The following HS3ST3A1 variants were observed in gnomAD, a reference collection of about 807,000 sequenced individuals.
HS3ST3A1 encodes heparan sulfate glucosamine 3-O-sulfotransferase 3A1.
In HS3ST3A1, 19 loss-of-function variants were observed where a neutral mutation model predicts 25.7. That is an observed-to-expected ratio of 0.74 (90% CI 0.52 to 1.08). HS3ST3A1 has a LOEUF of 1.08. Among genes scored for constraint, HS3ST3A1 ranks in the 50% least tolerant of loss-of-function variants. The pLI, the probability that HS3ST3A1 is intolerant of heterozygous loss-of-function variation, is 0.00. For synonymous variants in HS3ST3A1, 226 were observed against 278.6 expected, an observed-to-expected ratio of 0.81 and a Z score of 1.88; for missense variants, 459 against 594.3, an observed-to-expected ratio of 0.77 and a Z score of 2.37.
chr17:13,552,120 C>T (rs1907261892), intron 1 of HS3ST3A1, among the ~76,000 whole-genome samples: 1 of 152,136 alleles, frequency 6.6e-6, no homozygotes, highest in East Asian at 1.9e-4. Context: ...CGTTCTGTCG[C>T]CCAGGCTGGA....
At chr17:13,539,425 G>A (rs1030763704) in intron 1 of HS3ST3A1, among the ~76,000 whole-genome samples, 6 of 152,230 alleles carry the variant, frequency 3.9e-5, no homozygotes, top group Admixed American at 1.3e-4. Flanking sequence ...CAACCCTAGC[G>A]TGGATGAGGG....
At chr17:13,531,289 A>G (rs1458237768) in intron 1 of HS3ST3A1, among the ~76,000 whole-genome samples, 2 of 152,022 alleles carry the variant, frequency 1.3e-5, no homozygotes, top group African/African-American at 2.4e-5. Flanking sequence ...ATTTTCATCC[A>G]TTTTTCTCAC....
intron 1 of HS3ST3A1, among the ~76,000 whole-genome samples, chr17:13,515,481 T>G (rs1252843890): frequency 6.6e-6 from 1 of 150,982 alleles, no homozygotes; most frequent in Non-Finnish European, 1.5e-5. Context: ...GTTTTTTTTT[T>G]TTTTTTTTTT....
chr17:13,576,020 A>G (rs1410480086), intron 1 of HS3ST3A1, among the ~76,000 whole-genome samples: 1 of 152,220 alleles, frequency 6.6e-6, no homozygotes, highest in African/African-American at 2.4e-5. Context: ...AGCCTACTGC[A>G]TTGGTATTTC....
intron 1 of HS3ST3A1, among the ~76,000 whole-genome samples, chr17:13,536,548 A>G (rs994969739): frequency 3.3e-5 from 5 of 152,202 alleles, no homozygotes; most frequent in Non-Finnish European, 7.3e-5. Context: ...TAAGATTCAA[A>G]TTCCATAATA....
At chr17:13,513,757 T>A (rs1905957771) in intron 1 of HS3ST3A1, among the ~76,000 whole-genome samples, 1 of 152,208 alleles carries the variant, frequency 6.6e-6, no homozygotes, top group Non-Finnish European at 1.5e-5. Context: ...ATTGGATACG[T>A]GGGTTGTTTC....
intron 1 of HS3ST3A1, among the ~76,000 whole-genome samples, chr17:13,551,533 T>C (rs1907245011): frequency 1.3e-5 from 2 of 149,588 alleles, no homozygotes; most frequent in Non-Finnish European, 3.0e-5. Context: ...AAGGGGTTAC[T>C]AGATATCTCA....
At chr17:13,538,606 A>G (rs1194004782) in intron 1 of HS3ST3A1, among the ~76,000 whole-genome samples, 1 of 151,794 alleles carries the variant, frequency 6.6e-6, no homozygotes, top group African/African-American at 2.4e-5. Context: ...ATTTCTGACC[A>G]CTCCTGAAAG....
intron 1 of HS3ST3A1, among the ~76,000 whole-genome samples, chr17:13,536,009 C>A (rs984327989): frequency 2.0e-5 from 3 of 152,168 alleles, no homozygotes; most frequent in African/African-American, 7.2e-5. Flanking sequence ...ACCTAGAGAA[C>A]CACAGTTACT....
In HS3ST3A1 at chr17:13,496,052, G is replaced by T; in HGVS notation, c.*145C>A. On this transcript the variant is annotated 3_prime_UTR_variant, in exon 2 of 2. Coordinates refer to ENST00000284110, the MANE Select transcript of HS3ST3A1 (RefSeq NM_006042.3). ...TGGTGTTGGTTATACATTAAGATGG[G>T]GCGGGAGTGAGAACAATCTCTTAAC... is the stretch of plus-strand genomic sequence containing the variant. 1.0e-6 allele frequency: 1 copy of T among 1,003,080 alleles called. No individual in the cohort carries two copies. Among genetic ancestry groups the T allele is most frequent in the Non-Finnish European group, 1.4e-6 (1 of 712,350 alleles). The allele number at this position is 1,003,080 out of a possible 1,614,324, so 62.1% of individuals were successfully genotyped here.
At chr17:13,521,820 C>T (rs951128052) in intron 1 of HS3ST3A1, among the ~76,000 whole-genome samples, 1 of 152,184 alleles carries the variant, frequency 6.6e-6, no homozygotes, top group South Asian at 2.1e-4. Context: ...GGATACAACT[C>T]TTTAGATAGG....
intron 1 of HS3ST3A1, among the ~76,000 whole-genome samples, chr17:13,527,685 C>A (rs1207920229): frequency 6.6e-6 from 1 of 152,204 alleles, no homozygotes; most frequent in Non-Finnish European, 1.5e-5. Context: ...GAAAGGGAAA[C>A]AAACTCTGCT....
At chr17:13,503,880 A>G (rs1905570938) in intron 1 of HS3ST3A1, among the ~76,000 whole-genome samples, 1 of 152,242 alleles carries the variant, frequency 6.6e-6, no homozygotes, top group Non-Finnish European at 1.5e-5. Flanking sequence ...AATCATATAT[A>G]TGTTCACCAA....
intron 1 of HS3ST3A1, among the ~76,000 whole-genome samples, chr17:13,534,459 T>G (rs1906705012): frequency 6.8e-6 from 1 of 146,526 alleles, no homozygotes; most frequent in African/African-American, 2.5e-5. Flanking sequence ...ATCCCAGCAC[T>G]TTGGGAGGTG....
intron 1 of HS3ST3A1, among the ~76,000 whole-genome samples, chr17:13,572,668 G>GT (rs1907849357): frequency 6.6e-6 from 1 of 152,274 alleles, no homozygotes; most frequent in South Asian, 2.1e-4. Flanking sequence ...AATTTGTTAA[G>GT]GTCATTTCAC....
Position 13,601,211 on chromosome 17 carries a change from G to A in HS3ST3A1, c.-82C>T, listed in dbSNP as rs1908730731. ...AGGTGCCAGAGCATCCCCCCGGCGG[G>A]CCAGCGCGCTGGACGGAGGCCACAT... On this transcript the variant is annotated 5_prime_UTR_variant, in exon 1 of 2. Transcript: ENST00000284110. The A allele has an allele frequency of 8.9e-7, 1 of 1,118,248 alleles. No individual in the cohort carries two copies. The allele number at this position is 1,118,248 out of a possible 1,614,324, so 69.3% of individuals were successfully genotyped here. A position where few individuals can be genotyped will look rare whatever the true frequency, so the allele number is the denominator to read the frequency against.
chr17:13,500,513 T>G (rs150672170), intron 1 of HS3ST3A1, among the ~76,000 whole-genome samples: 1,561 of 152,228 alleles, frequency 0.01, 12 homozygotes, highest in Middle Eastern at 0.024. Context: ...TCACGTGAGG[T>G]TTGCCTGAAG....
intron 1 of HS3ST3A1, among the ~76,000 whole-genome samples, chr17:13,522,073 C>T (rs545979651): frequency 2.7e-4 from 41 of 152,104 alleles, no homozygotes; most frequent in African/African-American, 9.4e-4. Context: ...TAGAAAATTG[C>T]CACCAACATT....
At chr17:13,556,943 C>G (rs1036220279) in intron 1 of HS3ST3A1, among the ~76,000 whole-genome samples, 4 of 151,794 alleles carry the variant, frequency 2.6e-5, no homozygotes, top group African/African-American at 9.7e-5. Context: ...TTGCACCCAG[C>G]AGAATATCCT....
Sources: allele counts gnomAD v4.1 joint callset (sites outside exome capture counted in the v4.1 genomes callset), GRCh38; gene constraint gnomAD v4.1.1; transcripts MANE v1.5; gene names NCBI Gene and HGNC (gene_info 2026-07-23, HGNC 2026-07-21).